Variants in CADM2 observed in about 807,000 individuals in gnomAD.
The protein encoded by CADM2 is immunoglobulin superfamily member 4D.
In CADM2, 12 loss-of-function variants were observed where a neutral mutation model predicts 49.8. The observed-to-expected ratio is 0.24, with a 90% CI of 0.15 to 0.39. The LOEUF (loss-of-function observed/expected upper bound fraction) is 0.39, where lower values mean the gene tolerates loss of function less well. Among genes scored for constraint, CADM2 ranks in the 10% least tolerant of loss-of-function variants. CADM2 has a pLI of 1.00. For synonymous variants in CADM2, 214 were observed against 175.4 expected, an observed-to-expected ratio of 1.22 and a Z score of -1.74; for missense variants, 378 against 492.3, an observed-to-expected ratio of 0.77 and a Z score of 2.20.
chr3:85,546,587 A>G (rs957136004), intron 1 of CADM2, among the ~76,000 whole-genome samples: 7 of 152,120 alleles, frequency 4.6e-5, no homozygotes, highest in African/African-American at 1.7e-4. Flanking sequence ...ATTATATATG[A>G]TAAAATTAAT....
chr3:85,346,596 A>T (rs2030673083), intron 1 of CADM2, among the ~76,000 whole-genome samples: 1 of 152,190 alleles, frequency 6.6e-6, no homozygotes, highest in African/African-American at 2.4e-5. Flanking sequence ...TTAATTTTGG[A>T]AAAAGAAAGC....
chr3:85,375,528 A>T (rs954990570), intron 1 of CADM2, among the ~76,000 whole-genome samples: 1 of 152,210 alleles, frequency 6.6e-6, no homozygotes. Context: ...TATGTAAAAA[A>T]GTTTGCTTAG....
At chr3:85,593,483 G>T (rs2107353395) in intron 1 of CADM2, among the ~76,000 whole-genome samples, 3 of 151,998 alleles carry the variant, frequency 2.0e-5, no homozygotes, top group Middle Eastern at 6.8e-3. Context: ...TGTGTTCTTA[G>T]CCTTTGTGAG....
At chr3:85,195,799 A>G (rs1001478765) in intron 1 of CADM2, among the ~76,000 whole-genome samples, 4 of 152,104 alleles carry the variant, frequency 2.6e-5, no homozygotes, top group Non-Finnish European at 1.5e-5. Flanking sequence ...AGGGCTAAGT[A>G]TCATTTCCTC....
intron 1 of CADM2, among the ~76,000 whole-genome samples, chr3:85,155,753 G>A (rs1424205822): frequency 6.6e-6 from 1 of 152,112 alleles, no homozygotes; most frequent in Admixed American, 6.6e-5. Flanking sequence ...TCAGACCACA[G>A]TGCAATCAAA....
intron 3 of CADM2, among the ~76,000 whole-genome samples, chr3:85,838,980 C>T (rs1366207766): frequency 6.6e-6 from 1 of 151,820 alleles, no homozygotes; most frequent in Non-Finnish European, 1.5e-5. Context: ...GCCTGACCTA[C>T]TGAATCAGAA....
At chr3:85,843,617 A>C (rs189973527) in intron 3 of CADM2, among the ~76,000 whole-genome samples, 2,083 of 152,248 alleles carry the variant, frequency 0.014, 22 homozygotes, top group Non-Finnish European at 0.019. Context: ...ATCTAATTCA[A>C]TATTCTCTCA....
At chr3:85,325,092 A>G (rs1362962368) in intron 1 of CADM2, among the ~76,000 whole-genome samples, 2 of 152,214 alleles carry the variant, frequency 1.3e-5, no homozygotes, top group Non-Finnish European at 2.9e-5. Context: ...TTCCACATGA[A>G]ATGGTAAAAA....
intron 1 of CADM2, among the ~76,000 whole-genome samples, chr3:85,350,318 G>A (rs1256161515): frequency 6.6e-6 from 1 of 151,972 alleles, no homozygotes; most frequent in Non-Finnish European, 1.5e-5. Context: ...CAAAACACAT[G>A]TCTAATAAGA....
At chr3:85,080,744 A>T (rs965006477) in intron 1 of CADM2, among the ~76,000 whole-genome samples, 1 of 152,030 alleles carries the variant, frequency 6.6e-6, no homozygotes, top group Non-Finnish European at 1.5e-5. Flanking sequence ...GAGTAAACCT[A>T]TCCTTGTATT....
Position 85,193,103 on chromosome 3 carries a change from A to T in CADM2, c.61+233435A>T, listed in dbSNP as rs939206250. 1.2e-4 allele frequency among the ~76,000 whole-genome samples: 19 copies of T among 152,088 alleles called. 1 individual carries two copies. The highest frequency in any genetic ancestry group is 4.6e-4 in the African/African-American group (19 of 41,438). ...ATAAATAAAGAAGAAGTGTGACTAC[A>T]TTTCCAAGTAGGAAGTCTTGATATG... is the stretch of plus-strand genomic sequence containing the variant. On this transcript the variant is annotated intron_variant, in intron 1 of 9. Coordinates refer to ENST00000383699, the MANE Select transcript of CADM2 (RefSeq NM_001167675.2).
At chr3:85,550,468 A>T (rs1216185645) in intron 1 of CADM2, among the ~76,000 whole-genome samples, 1 of 152,166 alleles carries the variant, frequency 6.6e-6, no homozygotes, top group African/African-American at 2.4e-5. Flanking sequence ...AGATGTATTG[A>T]ATCAGAAATT....
At chr3:85,252,828 T>C (rs1003701823) in intron 1 of CADM2, among the ~76,000 whole-genome samples, 1 of 149,762 alleles carries the variant, frequency 6.7e-6, no homozygotes. Context: ...CCGTGGTCAG[T>C]AGTCCTTGAA....
chr3:85,623,183 T>G (rs1453370602), intron 1 of CADM2, among the ~76,000 whole-genome samples: 1 of 152,144 alleles, frequency 6.6e-6, no homozygotes, highest in Non-Finnish European at 1.5e-5. Context: ...CTATTTATTT[T>G]CAGTGCACAC....
At chr3:85,294,258 A>G (rs534032620) in intron 1 of CADM2, among the ~76,000 whole-genome samples, 7 of 152,184 alleles carry the variant, frequency 4.6e-5, no homozygotes, top group Non-Finnish European at 7.3e-5. Flanking sequence ...CTTCAAGGAG[A>G]ACTACAAAGC....
intron 1 of CADM2, among the ~76,000 whole-genome samples, chr3:85,307,313 T>A (rs2107025131): frequency 6.6e-6 from 1 of 151,776 alleles, no homozygotes; most frequent in African/African-American, 2.4e-5. Flanking sequence ...CAGAATATTC[T>A]GTGAAAATTT....
chr3:85,704,610 T>C (rs934568894), intron 1 of CADM2, among the ~76,000 whole-genome samples: 1 of 152,106 alleles, frequency 6.6e-6, no homozygotes, highest in African/African-American at 2.4e-5. Context: ...CATAACCTAA[T>C]GACCTTCTAA....
chr3:85,299,455 G>A (rs993427577), intron 1 of CADM2, among the ~76,000 whole-genome samples: 3 of 151,894 alleles, frequency 2.0e-5, no homozygotes, highest in Non-Finnish European at 2.9e-5. Context: ...CTAATCTGTG[G>A]GGTTAATATA....
intron 1 of CADM2, among the ~76,000 whole-genome samples, chr3:85,230,579 A>T (rs1487780204): frequency 6.6e-6 from 1 of 152,210 alleles, no homozygotes; most frequent in Admixed American, 6.5e-5. Context: ...TGTGCTTAAA[A>T]AGCTTAACTA....
Sources: gnomAD v4.1 joint callset for allele counts (sites outside exome capture counted in the v4.1 genomes callset) on GRCh38, gnomAD v4.1.1 for gene constraint, MANE v1.5 for transcripts, NCBI Gene and HGNC (gene_info 2026-07-23, HGNC 2026-07-21) for gene names.